CAPN3: variants seen among roughly 807,000 people sequenced by gnomAD.
The protein encoded by CAPN3 is calpain-3.
CAPN3 carries 88 observed loss-of-function variants against 114.0 expected under a neutral mutation model. The observed-to-expected ratio is 0.77, with a 90% CI of 0.65 to 0.92. The LOEUF (loss-of-function observed/expected upper bound fraction) is 0.92. Ranked by LOEUF, CAPN3 falls within the 40% of genes least tolerant of loss-of-function variation. The probability of loss-of-function intolerance (pLI) is 0.00; values close to 1 mark genes in which losing one functional copy is unlikely to be tolerated. For synonymous variants in CAPN3, 386 were observed against 382.9 expected (o/e 1.01, Z -0.09); for missense variants, 1,028 against 1,069.0 (o/e 0.96, Z 0.53).
At chr15:42,403,917 A>C in intron 14 of CAPN3, 140 bp downstream of exon 14, 1 of 820,384 alleles carries the variant, frequency 1.2e-6, no homozygotes, top group Non-Finnish European at 2.1e-6. Flanking sequence ...CCTCCTTGGC[A>C]CTGCAAATCC....
chr15:42,372,231 C>G (rs188907202), intron 1 of CAPN3, among the ~76,000 whole-genome samples: 135 of 152,262 alleles, frequency 8.9e-4, no homozygotes, highest in Admixed American at 3.4e-3. Flanking sequence ...GCAATCTCGG[C>G]TCACTGCAAA....
At chr15:42,389,282 A>G (rs1041691615) in intron 5 of CAPN3, among the ~76,000 whole-genome samples, 186 bp downstream of exon 5, 6 of 152,306 alleles carry the variant, frequency 3.9e-5, no homozygotes, top group African/African-American at 7.2e-5. Flanking sequence ...CGGATTTTCA[A>G]TAAAGACACT....
chr15:42,383,217 A>G (rs1283368532), intron 1 of CAPN3, among the ~76,000 whole-genome samples: 1 of 151,900 alleles, frequency 6.6e-6, no homozygotes, highest in Non-Finnish European at 1.5e-5. Context: ...GGGTTGGGGG[A>G]AGGTGGAGAG....
At chr15:42,389,853 TC>T in intron 5 of CAPN3, 99 bp from the exon 6 acceptor site, 1 of 1,242,730 alleles carries the variant, frequency 8.0e-7, no homozygotes, top group Non-Finnish European at 1.2e-6. Context: ...TCTCCCTTTG[TC>T]TGTCCCATCT....
chr15:42,402,710 G>C, intron 12 of CAPN3, 84 bp from the exon 13 acceptor site: 2 of 1,583,000 alleles, frequency 1.3e-6, no homozygotes, highest in Non-Finnish European at 1.7e-6. Flanking sequence ...AGGGAGTTGG[G>C]AAGGGACCCT....
At chr15:42,394,846 A>T (rs2053647260) in intron 8 of CAPN3, among the ~76,000 whole-genome samples, 1 of 152,190 alleles carries the variant, frequency 6.6e-6, no homozygotes, top group Admixed American at 6.5e-5. Context: ...TATCATTGAA[A>T]GGAATAGACT....
intron 3 of CAPN3, among the ~76,000 whole-genome samples, chr15:42,386,613 T>A (rs1039254513): frequency 1.3e-5 from 2 of 152,154 alleles, no homozygotes; most frequent in Non-Finnish European, 2.9e-5. Flanking sequence ...ATATTAGCAC[T>A]GTGACACCAC....
At chr15:42,398,015 T>C (rs1051893657) in intron 9 of CAPN3, among the ~76,000 whole-genome samples, 1 of 151,896 alleles carries the variant, frequency 6.6e-6, no homozygotes, top group African/African-American at 2.4e-5. Context: ...AGCAAGACAC[T>C]GTCTTAAAAA....
chr15:42,363,496 G>A (rs2052701865), intron 1 of CAPN3, among the ~76,000 whole-genome samples: 1 of 152,164 alleles, frequency 6.6e-6, no homozygotes, highest in South Asian at 2.1e-4. Context: ...CCTTCCCATG[G>A]TGGGTTTGTA....
At position 42,403,722 on chromosome 15, in the gene CAPN3, A is replaced by G. The variant is rs368887060; in HGVS notation, c.1746-19A>G. 2 of 1,612,538 alleles carry G rather than the reference A, an allele frequency of 1.2e-6. No individual in the cohort carries two copies. The highest frequency in any genetic ancestry group is 1.7e-6 in the Non-Finnish European group (2 of 1,178,760). Reference sequence around the variant, plus strand: ...GCTTCTGGTGACACTGAGACCCCACATGTCTGTATTCCTCACAGGGAAGTT... The same window carrying G: ...GCTTCTGGTGACACTGAGACCCCACGTGTCTGTATTCCTCACAGGGAAGTT... On this transcript the variant is annotated intron_variant, in intron 13 of 23. Coordinates refer to ENST00000397163, the MANE Select transcript of CAPN3 (RefSeq NM_000070.3).
At chr15:42,376,641 T>C (rs1198511360) in intron 1 of CAPN3, among the ~76,000 whole-genome samples, 1 of 151,852 alleles carries the variant, frequency 6.6e-6, no homozygotes, top group Non-Finnish European at 1.5e-5. Flanking sequence ...ATCAGTCATT[T>C]CTCCAAGGAG....
chr15:42,399,460 A>G (rs1211161132), intron 9 of CAPN3, 32 bp from the exon 10 acceptor site: 5 of 1,586,012 alleles, frequency 3.2e-6, no homozygotes, highest in Non-Finnish European at 4.3e-6. Flanking sequence ...ACCTGCTCCC[A>G]TATGGCTCTC....
rs1472624992 is a variant in CAPN3 at position 42,410,584 on chromosome 15, C to A, written c.2185-4C>A. On this transcript the variant is annotated splice_region_variant and splice_polypyrimidine_tract_variant and intron_variant, in intron 20 of 23. Coordinates refer to ENST00000397163, the MANE Select transcript of CAPN3 (RefSeq NM_000070.3). Reference sequence around the variant, plus strand: ...ACCTCCATCCTCAAATTTTCTATTGCCAGAAAATTTTCAAACACTATGACA... The same window carrying A: ...ACCTCCATCCTCAAATTTTCTATTGACAGAAAATTTTCAAACACTATGACA... 1.2e-6 allele frequency: 2 copies of A among 1,613,408 alleles called. No individual in the cohort carries two copies. Among genetic ancestry groups the A allele is most frequent in the East Asian group, 2.2e-5 (1 of 44,870 alleles).
At chr15:42,379,360 G>A (rs57347762) in intron 1 of CAPN3, among the ~76,000 whole-genome samples, 35,873 of 151,924 alleles carry the variant, frequency 0.24, 5,582 homozygotes, top group African/African-American at 0.43. Context: ...AATGTGTTCT[G>A]TCTTACTGAC....
intron 1 of CAPN3, among the ~76,000 whole-genome samples, chr15:42,375,753 C>T (rs543182359): frequency 6.6e-6 from 1 of 152,252 alleles, no homozygotes; most frequent in East Asian, 1.9e-4. Flanking sequence ...CTTCCTATTA[C>T]CAACATCTTG....
chr15:42,383,387 G>A lies in CAPN3; in HGVS notation c.310-1096G>A, dbSNP rs528729071. Among the ~76,000 whole-genome samples the A allele has an allele frequency of 1.2e-4, 19 of 152,214 alleles. No homozygotes were observed. The South Asian group carries it at 2.3e-3, about 18-fold the overall frequency. On this transcript the variant is annotated intron_variant, in intron 1 of 23. Coordinates refer to ENST00000397163, the MANE Select transcript of CAPN3 (RefSeq NM_000070.3). ...GCAGATCACTTGAGGTCAGGAGTTCGAGACCAGCCTGGCCAACATGGCGAA... is the reference window on the plus strand; with the variant it reads ...GCAGATCACTTGAGGTCAGGAGTTCAAGACCAGCCTGGCCAACATGGCGAA...
intron 1 of CAPN3, among the ~76,000 whole-genome samples, chr15:42,367,244 G>A (rs1468184651): frequency 6.6e-6 from 1 of 152,176 alleles, no homozygotes; most frequent in Non-Finnish European, 1.5e-5. Context: ...AACACTCAGA[G>A]TGTGGAAAGC....
At chr15:42,368,758 A>G (rs1443909368) in intron 1 of CAPN3, among the ~76,000 whole-genome samples, 4 of 152,214 alleles carry the variant, frequency 2.6e-5, no homozygotes, top group Non-Finnish European at 4.4e-5. Flanking sequence ...ACAATGCTCT[A>G]TTAAGAATGT....
rs151297043 is a variant in CAPN3 at position 42,379,141 on chromosome 15, G to A, written c.310-5342G>A. 8.7e-3 allele frequency among the ~76,000 whole-genome samples: 1,320 copies of A among 151,994 alleles called. 18 individuals are homozygous for A. The highest frequency in any genetic ancestry group is 0.03 in the African/African-American group (1,257 of 41,460). ...AGCCTGACCAACATGATGAAACTCC[G>A]TCTCTACTAAAAATACAAAAATTAG... On this transcript the variant is annotated intron_variant, in intron 1 of 23. Transcript: ENST00000397163.
Sources: allele counts gnomAD v4.1 joint callset (sites outside exome capture counted in the v4.1 genomes callset), GRCh38; gene constraint gnomAD v4.1.1; transcripts MANE v1.5; gene names NCBI Gene and HGNC (gene_info 2026-07-23, HGNC 2026-07-21).